Variants in MSRA observed in about 807,000 individuals in gnomAD.
The protein encoded by MSRA is methionine sulfoxide reductase A.
In MSRA, 54 loss-of-function variants were observed where a neutral mutation model predicts 31.3. That is an observed-to-expected ratio of 1.73 (90% CI 1.39 to 2.17). MSRA has a LOEUF of 2.17. Among genes scored for constraint, MSRA ranks in the 30% most tolerant of loss-of-function variants. The pLI is 0.00. For missense variants in MSRA, 507 were observed against 300.9 expected (o/e 1.69, Z -5.07); for synonymous variants, 169 against 116.5 (o/e 1.45, Z -2.90).
At chr8:10,134,658 C>G (rs1345305441) in intron 1 of MSRA, among the ~76,000 whole-genome samples, 1 of 152,206 alleles carries the variant, frequency 6.6e-6, no homozygotes, top group African/African-American at 2.4e-5. Flanking sequence ...CGCCTCGTAT[C>G]AGAACTCGGA....
At chr8:10,164,238 C>T (rs773282145) in intron 1 of MSRA, among the ~76,000 whole-genome samples, 2 of 152,180 alleles carry the variant, frequency 1.3e-5, no homozygotes, top group Non-Finnish European at 2.9e-5. Flanking sequence ...TTAATGTTAT[C>T]CTAGTCTTAT....
chr8:10,327,338 A>ACTAT (rs1360523812), intron 5 of MSRA, among the ~76,000 whole-genome samples: 2 of 152,188 alleles, frequency 1.3e-5, no homozygotes, highest in African/African-American at 4.8e-5. Flanking sequence ...TTAAACTTCA[A>ACTAT]CTATCTAGCA....
intron 5 of MSRA, among the ~76,000 whole-genome samples, chr8:10,377,853 AC>A (rs1420272989): frequency 2.0e-5 from 3 of 152,168 alleles, no homozygotes; most frequent in African/African-American, 7.2e-5. Flanking sequence ...GCTGGGATCC[AC>A]TTTGCACAGA....
At chr8:10,329,304 C>T (rs1256806483) in intron 5 of MSRA, among the ~76,000 whole-genome samples, 1 of 152,234 alleles carries the variant, frequency 6.6e-6, no homozygotes, top group Non-Finnish European at 1.5e-5. Flanking sequence ...CCCCCAGGGG[C>T]TCCAGGGAAG....
intron 3 of MSRA, among the ~76,000 whole-genome samples, chr8:10,291,873 A>G (rs192326593): frequency 6.6e-6 from 1 of 152,266 alleles, no homozygotes; most frequent in African/African-American, 2.4e-5. Flanking sequence ...TTTTTATTTT[A>G]AAGATCAGTT....
chr8:10,213,036 A>G (rs1017179190), intron 2 of MSRA, among the ~76,000 whole-genome samples: 1 of 152,168 alleles, frequency 6.6e-6, no homozygotes, highest in African/African-American at 2.4e-5. Flanking sequence ...TTATGTTACA[A>G]ACAATCCAAT....
intron 5 of MSRA, chr8:10,337,802 T>C (rs1411552320): frequency 1.4e-6 from 1 of 702,486 alleles, no homozygotes; most frequent in Non-Finnish European, 2.6e-6. Context: ...AAGAAAACAT[T>C]ATTAAAGCAA....
At chr8:10,080,008 G>A (rs1004738840) in intron 1 of MSRA, among the ~76,000 whole-genome samples, 3 of 152,200 alleles carry the variant, frequency 2.0e-5, no homozygotes, top group Non-Finnish European at 2.9e-5. Context: ...CTCTCTTCCC[G>A]TCAAAATTAA....
chr8:10,378,170 C>T (rs1474071896), intron 5 of MSRA, among the ~76,000 whole-genome samples: 1 of 152,216 alleles, frequency 6.6e-6, no homozygotes, highest in Non-Finnish European at 1.5e-5. Context: ...CTAGTCTCAG[C>T]TCTGCCACAG....
chr8:10,252,818 G>A (rs1191711652), intron 3 of MSRA, among the ~76,000 whole-genome samples: 5 of 152,242 alleles, frequency 3.3e-5, no homozygotes, highest in African/African-American at 4.8e-5. Context: ...CACTCAGCCA[G>A]TGCTATTGAA....
chr8:10,102,749 G>C (rs1428840041), intron 1 of MSRA, among the ~76,000 whole-genome samples: 1 of 152,170 alleles, frequency 6.6e-6, no homozygotes, highest in African/African-American at 2.4e-5. Flanking sequence ...CTGACACTGT[G>C]CTAGCAGGGG....
chr8:10,164,166 G>T (rs1455547315), intron 1 of MSRA, among the ~76,000 whole-genome samples: 1 of 152,226 alleles, frequency 6.6e-6, no homozygotes, highest in African/African-American at 2.4e-5. Flanking sequence ...GACCTAAAGA[G>T]AAAAGTCTAA....
chr8:10,124,954 G>A (rs544634733), intron 1 of MSRA, among the ~76,000 whole-genome samples: 54 of 152,300 alleles, frequency 3.5e-4, no homozygotes, highest in African/African-American at 1.2e-3. Flanking sequence ...ATAACTCACT[G>A]TATGATTAAC....
chr8:10,287,599 G>A (rs931298452), intron 3 of MSRA, among the ~76,000 whole-genome samples: 5 of 152,272 alleles, frequency 3.3e-5, no homozygotes, highest in South Asian at 2.1e-4. Context: ...GACACACACC[G>A]TTCTCATGCG....
intron 5 of MSRA, among the ~76,000 whole-genome samples, chr8:10,350,651 T>G (rs1482499010): frequency 6.6e-6 from 1 of 152,256 alleles, no homozygotes; most frequent in African/African-American, 2.4e-5. Flanking sequence ...TTTGCCGGGC[T>G]TCAGGCTGAG....
At chr8:10,079,928 C>G (rs1349144662) in intron 1 of MSRA, among the ~76,000 whole-genome samples, 1 of 152,196 alleles carries the variant, frequency 6.6e-6, no homozygotes, top group Non-Finnish European at 1.5e-5. Context: ...AAGCGAAGTT[C>G]CTAGAGGCTC....
chr8:10,059,539 T>C (rs1009004276), intron 1 of MSRA, among the ~76,000 whole-genome samples: 2 of 152,206 alleles, frequency 1.3e-5, no homozygotes, highest in Admixed American at 6.5e-5. Flanking sequence ...GAACAGAATG[T>C]TTTTATAATC....
intron 1 of MSRA, among the ~76,000 whole-genome samples, chr8:10,114,465 C>T (rs1423633368): frequency 1.3e-5 from 2 of 151,626 alleles, no homozygotes; most frequent in Non-Finnish European, 2.9e-5. Context: ...AAAGTATGAG[C>T]ATTCCAGTTT....
chr8:10,211,768 C>T (rs1409313022), intron 2 of MSRA, among the ~76,000 whole-genome samples: 4 of 152,048 alleles, frequency 2.6e-5, no homozygotes, highest in African/African-American at 9.7e-5. Flanking sequence ...TTCTCTCTGG[C>T]CGTCAATATC....
Sources: allele counts gnomAD v4.1 joint callset (sites outside exome capture counted in the v4.1 genomes callset), GRCh38; gene constraint gnomAD v4.1.1; transcripts MANE v1.5; gene names NCBI Gene and HGNC (gene_info 2026-07-23, HGNC 2026-07-21).